The following CWC22 variants were observed in gnomAD, a reference collection of about 807,000 sequenced individuals.
CWC22 encodes pre-mRNA-splicing factor CWC22 homolog.
In CWC22, 53 loss-of-function variants were observed where a neutral mutation model predicts 117.2. That is an observed-to-expected ratio of 0.45 (90% CI 0.36 to 0.57). The LOEUF is 0.57. Ranked by LOEUF, CWC22 falls within the 20% of genes least tolerant of loss-of-function variation. The probability of loss-of-function intolerance (pLI) is 0.00; values close to 1 mark genes in which losing one functional copy is unlikely to be tolerated. For missense variants in CWC22, 980 were observed against 1,068.8 expected, an observed-to-expected ratio of 0.92 and a Z score of 1.16; for synonymous variants, 360 against 355.6, an observed-to-expected ratio of 1.01 and a Z score of -0.14.
chr2:179,996,772 TG>T (rs1687712691), intron 1 of CWC22, among the ~76,000 whole-genome samples: 2 of 151,804 alleles, frequency 1.3e-5, no homozygotes, highest in South Asian at 4.1e-4. Flanking sequence ...TCAAAATTTT[TG>T]AAAAAGAAAC....
intron 17 of CWC22, among the ~76,000 whole-genome samples, 196 bp from the exon 18 acceptor site, chr2:179,951,122 A>C (rs75862169): frequency 0.019 from 2,885 of 152,110 alleles, 99 homozygotes; most frequent in African/African-American, 0.065. Flanking sequence ...AATGTACCAA[A>C]CTTGATTTCT....
At chr2:179,982,406 C>A (rs1687307572) in intron 4 of CWC22, among the ~76,000 whole-genome samples, 1 of 152,074 alleles carries the variant, frequency 6.6e-6, no homozygotes, top group Non-Finnish European at 1.5e-5. Flanking sequence ...GGTTTTTATA[C>A]TGGAGGTGAT....
rs1448084995 is a variant in CWC22 at position 179,978,233 on chromosome 2, T to C, written c.538A>G (p.Ile180Val). The C allele has an allele frequency of 6.4e-7, 1 of 1,572,316 alleles. No individual in the cohort carries two copies. The highest frequency in any genetic ancestry group is 8.6e-7 in the Non-Finnish European group (1 of 1,162,086). ...TCTTGAAGAAGCTCTTGAATAATAA[T>C]ACTTATGTTGGAAATGTTGACTTTG... ...INKVNISNIS[I>V]IIQELLQENI... The change falls in exon 6 of 20, where the codon ATT (isoleucine) becomes GTT (valine). Residue 180 changes from isoleucine to valine, a missense_variant. Transcript: ENST00000410053.
chr2:179,986,380 C>A (rs915922122), intron 4 of CWC22, among the ~76,000 whole-genome samples: 1 of 152,200 alleles, frequency 6.6e-6, no homozygotes, highest in Non-Finnish European at 1.5e-5. Context: ...TCTTGCGGTA[C>A]AATACAATGA....
At chr2:179,948,844 T>G (rs182501207) in intron 19 of CWC22, among the ~76,000 whole-genome samples, 2 of 152,114 alleles carry the variant, frequency 1.3e-5, no homozygotes, top group African/African-American at 4.8e-5. Context: ...AAAACGACAT[T>G]AGTGGTAAAA....
chr2:179,959,536 T>C (rs1284981096), intron 13 of CWC22, among the ~76,000 whole-genome samples: 1 of 152,130 alleles, frequency 6.6e-6, no homozygotes, highest in African/African-American at 2.4e-5. Context: ...GGTTATCTAA[T>C]GAGAAATGCA....
chr2:179,950,191 A>G (rs965092956), intron 19 of CWC22, among the ~76,000 whole-genome samples: 1 of 152,222 alleles, frequency 6.6e-6, no homozygotes, highest in African/African-American at 2.4e-5. Flanking sequence ...AATTTATTTA[A>G]AATAAAAACA....
At chr2:179,971,880 A>G (rs1482590835) in intron 8 of CWC22, among the ~76,000 whole-genome samples, 2 of 152,148 alleles carry the variant, frequency 1.3e-5, no homozygotes, top group South Asian at 2.1e-4. Context: ...CATCAAAGAC[A>G]CCCACTACTT....
intron 2 of CWC22, among the ~76,000 whole-genome samples, chr2:179,990,558 G>C (rs1225952657): frequency 2.0e-5 from 3 of 151,800 alleles, no homozygotes; most frequent in African/African-American, 7.3e-5. Flanking sequence ...GAGAGAGAGA[G>C]AGAGAGAGAG....
chr2:179,968,013 T>C (rs1362283118), intron 11 of CWC22, among the ~76,000 whole-genome samples: 1 of 152,180 alleles, frequency 6.6e-6, no homozygotes. Flanking sequence ...AGCTTGTGAG[T>C]TCCCCGACAC....
intron 17 of CWC22, among the ~76,000 whole-genome samples, chr2:179,952,169 G>A (rs1686466776): frequency 6.6e-6 from 1 of 151,946 alleles, no homozygotes; most frequent in Non-Finnish European, 1.5e-5. Context: ...TAAAATTAGG[G>A]TAAAAAGAAA....
intron 16 of CWC22, among the ~76,000 whole-genome samples, chr2:179,953,560 C>A (rs1686508699): frequency 6.6e-6 from 1 of 152,064 alleles, no homozygotes; most frequent in Non-Finnish European, 1.5e-5. Flanking sequence ...ATACACAGCA[C>A]CTCTCTCAAT....
rs1347543746 is a variant in CWC22, at chr2:179,973,387, T to C, written c.751-141A>G. ...TTTACATTATAAGAAAGTTACAAAATAAAACACATGAAAGAGTATCCCTTC... is the reference window on the plus strand; with the variant it reads ...TTTACATTATAAGAAAGTTACAAAACAAAACACATGAAAGAGTATCCCTTC... On this transcript the variant is annotated intron_variant, in intron 7 of 19. Coordinates refer to ENST00000410053, the MANE Select transcript of CWC22 (RefSeq NM_020943.3). The C allele has an allele frequency of 4.4e-6, 3 of 687,248 alleles. No homozygotes were observed. In the African/African-American group the frequency reaches 5.4e-5, roughly 12 times the overall value. The allele number at this position is 687,248 out of a possible 1,614,324, so 42.6% of individuals were successfully genotyped here.
intron 15 of CWC22, 30 bp downstream of exon 15, chr2:179,954,927 A>G (rs760330542): frequency 1.3e-5 from 16 of 1,273,822 alleles, no homozygotes; most frequent in Non-Finnish European, 1.8e-5. Context: ...ATTCGTTTTA[A>G]GAATTCCCTC....
intron 1 of CWC22, among the ~76,000 whole-genome samples, chr2:180,002,479 A>T (rs1380252934): frequency 6.6e-6 from 1 of 152,268 alleles, no homozygotes; most frequent in Non-Finnish European, 1.5e-5. Flanking sequence ...TAGTAAAAGA[A>T]GATGAAAAAA....
rs565002114 is a variant in CWC22, at chr2:179,980,301, T to C, written c.452+1451A>G. Among the ~76,000 whole-genome samples, 7 of 152,218 alleles carry C rather than the reference T, an allele frequency of 4.6e-5. No individual in the cohort carries two copies. In the East Asian group the frequency reaches 1.2e-3, roughly 25 times the overall value. On this transcript the variant is annotated intron_variant, in intron 5 of 19. Coordinates refer to ENST00000410053, the MANE Select transcript of CWC22 (RefSeq NM_020943.3). ...CTGCCAAGCGCTAAAATATGACACATAAAGAAAAACTTATTAGTTTTGAAT... is the reference window on the plus strand; with the variant it reads ...CTGCCAAGCGCTAAAATATGACACACAAAGAAAAACTTATTAGTTTTGAAT...
At chr2:179,981,636 G>T in intron 5 of CWC22, 116 bp downstream of exon 5, 1 of 775,876 alleles carries the variant, frequency 1.3e-6, no homozygotes, top group Non-Finnish European at 2.0e-6. Context: ...CTAATTTGAG[G>T]TCTCTATCAC....
chr2:179,973,894 A>G (rs1230912179), intron 6 of CWC22, 92 bp from the exon 7 acceptor site: 1 of 581,960 alleles, frequency 1.7e-6, no homozygotes, highest in Non-Finnish European at 2.7e-6. Context: ...ATATTTCTCT[A>G]TAAGTAATCA....
At chr2:179,965,069 A>T (rs1686854495) in intron 12 of CWC22, among the ~76,000 whole-genome samples, 1 of 146,900 alleles carries the variant, frequency 6.8e-6, no homozygotes, top group Admixed American at 7.4e-5. Context: ...ATTTGTTAAA[A>T]TTTTCTCTTA....
Sources: gnomAD v4.1 joint callset for allele counts (sites outside exome capture counted in the v4.1 genomes callset) on GRCh38, gnomAD v4.1.1 for gene constraint, MANE v1.5 for transcripts, NCBI Gene and HGNC (gene_info 2026-07-23, HGNC 2026-07-21) for gene names.